Variants in GPR63 observed in about 807,000 individuals in gnomAD.
GPR63 encodes the protein G protein-coupled receptor 63.
Under a neutral mutation model 23.1 loss-of-function variants are expected in GPR63, and 12 were observed. That is an observed-to-expected ratio of 0.52 (90% CI 0.33 to 0.84). The LOEUF (loss-of-function observed/expected upper bound fraction) is 0.84, where lower values mean the gene tolerates loss of function less well. Ranked by LOEUF, GPR63 falls within the 40% of genes least tolerant of loss-of-function variation. The pLI is 0.02. For missense variants in GPR63, 472 were observed against 515.6 expected, an observed-to-expected ratio of 0.92 and a Z score of 0.82; for synonymous variants, 172 against 191.1, an observed-to-expected ratio of 0.90 and a Z score of 0.82.
At chr6:96,814,180 G>A (rs916771627) in intron 1 of GPR63, among the ~76,000 whole-genome samples, 4 of 151,968 alleles carry the variant, frequency 2.6e-5, no homozygotes, top group Non-Finnish European at 5.9e-5. Context: ...AAGTTTTCAA[G>A]CAAAGGAGGA....
At position 96,798,605 on chromosome 6, in the gene GPR63, T is replaced by C. The variant is rs1297241182; in HGVS notation, c.1127A>G (p.Lys376Arg). ...LNPLIYYWRIKKFHDACLDMM... is the reference protein window; with the variant it reads ...LNPLIYYWRIRKFHDACLDMM... ...GTCCAGGCAAGCATCATGGAATTTC[T>C]TAATCCTCCAGTAGTAGATCAGCGG... Residue 376 changes from lysine to arginine, a missense_variant, in exon 2 of 2, where the codon AAG (lysine) becomes AGG (arginine). Transcript: ENST00000229955. 2.5e-6 allele frequency: 4 copies of C among 1,614,116 alleles called. No homozygotes were observed. The African/African-American group carries it at 5.3e-5, about 22-fold the overall frequency.
intron 1 of GPR63, among the ~76,000 whole-genome samples, chr6:96,820,983 G>A (rs557477761): frequency 1.4e-4 from 22 of 152,144 alleles, no homozygotes; most frequent in African/African-American, 2.2e-4. Context: ...AAAGTCAGTC[G>A]GGGAAACAAT....
chr6:96,834,303 G>A (rs1391554054), intron 1 of GPR63, among the ~76,000 whole-genome samples: 3 of 152,176 alleles, frequency 2.0e-5, no homozygotes, highest in Non-Finnish European at 4.4e-5. Context: ...ATGTTTTGTG[G>A]TTGCAAAAGT....
At chr6:96,828,981 T>A (rs947741523) in intron 1 of GPR63, among the ~76,000 whole-genome samples, 1 of 152,194 alleles carries the variant, frequency 6.6e-6, no homozygotes, top group East Asian at 1.9e-4. Context: ...TAAACTTGTA[T>A]GTATCTAATA....
Position 96,798,322 on chromosome 6 carries a change from A to G in GPR63, c.*150T>C. ...TTTCCTATTATTTATTCTTGGTAAC[A>G]GAACTATAATTACCATTCTTTCTTT... is the stretch of plus-strand genomic sequence containing the variant. On this transcript the variant is annotated 3_prime_UTR_variant, in exon 2 of 2. Coordinates refer to ENST00000229955, the MANE Select transcript of GPR63 (RefSeq NM_030784.4). 1.4e-6 allele frequency: 1 copy of G among 707,304 alleles called. No homozygotes were observed. Among genetic ancestry groups the G allele is most frequent in the Non-Finnish European group, 2.3e-6 (1 of 443,882 alleles). The allele number at this position is 707,304 out of a possible 1,614,324, so 43.8% of individuals were successfully genotyped here.
At position 96,797,791 on chromosome 6, in the gene GPR63, T is replaced by C. The variant is rs182086415; in HGVS notation, c.*681A>G. 1.2e-4 allele frequency: 19 copies of C among 152,376 alleles called. No individual in the cohort carries two copies. Among genetic ancestry groups the C allele is most frequent in the Admixed American group, 1.0e-3 (16 of 15,306 alleles). 9.4% of individuals were successfully genotyped at this position (152,376 alleles called of 1,614,324 possible). A position where few individuals can be genotyped will look rare whatever the true frequency, so the allele number is the denominator to read the frequency against. On this transcript the variant is annotated 3_prime_UTR_variant, in exon 2 of 2. Transcript: ENST00000229955. ...AGAGTTGCTATTGTGCTTAGAAAAGTATCTACATTTTATGTTCTCTTTTAC... is the reference window on the plus strand; with the variant it reads ...AGAGTTGCTATTGTGCTTAGAAAAGCATCTACATTTTATGTTCTCTTTTAC...
At chr6:96,814,434 T>C (rs1417916891) in intron 1 of GPR63, among the ~76,000 whole-genome samples, 1 of 152,198 alleles carries the variant, frequency 6.6e-6, no homozygotes, top group African/African-American at 2.4e-5. Flanking sequence ...CCTTAACATA[T>C]ATTATTGCTA....
At position 96,797,907 on chromosome 6, in the gene GPR63, A is replaced by G. The variant is rs528079768; in HGVS notation, c.*565T>C. The G allele has an allele frequency of 3.3e-5, 5 of 152,450 alleles. No homozygotes were observed. The highest frequency in any genetic ancestry group is 7.3e-5 in the Non-Finnish European group (5 of 68,206). 9.4% of individuals were successfully genotyped at this position (152,450 alleles called of 1,614,324 possible). A position where few individuals can be genotyped will look rare whatever the true frequency, so the allele number is the denominator to read the frequency against. ...AAAGCACATATCATGTATAAAAACAATTCTGAAAAATAAGACTGAATTAAT... is the reference window on the plus strand; with the variant it reads ...AAAGCACATATCATGTATAAAAACAGTTCTGAAAAATAAGACTGAATTAAT... On this transcript the variant is annotated 3_prime_UTR_variant, in exon 2 of 2. Transcript: ENST00000229955.
At chr6:96,815,300 A>C (rs934479663) in intron 1 of GPR63, among the ~76,000 whole-genome samples, 1 of 152,218 alleles carries the variant, frequency 6.6e-6, no homozygotes, top group Non-Finnish European at 1.5e-5. Context: ...AATGATTTGC[A>C]TGGATGTGAG....
chr6:96,834,711 C>T (rs1230201456), intron 1 of GPR63, among the ~76,000 whole-genome samples: 3 of 152,192 alleles, frequency 2.0e-5, no homozygotes, highest in African/African-American at 4.8e-5. Flanking sequence ...AATTTTCATA[C>T]ATAAGCTGAA....
In GPR63 at chr6:96,802,111, T is replaced by TC. The variant is rs1773781333; in HGVS notation, c.-150-2231dup. The stretch of plus-strand genomic sequence containing the variant: ...GTTTGACAAAGTAAACTAACATATA[T>TC]CCATCCTGTACTACCACACTGTTTA... On this transcript the variant is annotated intron_variant, in intron 1 of 1. Transcript: ENST00000229955. Among the ~76,000 whole-genome samples, 3 of 152,168 alleles carry TC rather than the reference T, an allele frequency of 2.0e-5. No individual in the cohort carries two copies. In the South Asian group the frequency reaches 6.2e-4, roughly 32 times the overall value.
At chr6:96,836,740 A>G (rs7742049) in intron 1 of GPR63, among the ~76,000 whole-genome samples, 100,543 of 151,962 alleles carry the variant, frequency 0.66, 34,130 homozygotes, top group African/African-American at 0.81. Flanking sequence ...CAGCGCCGCA[A>G]GCTGAACCAC....
intron 1 of GPR63, among the ~76,000 whole-genome samples, chr6:96,832,680 A>G (rs1774618878): frequency 6.6e-6 from 1 of 152,078 alleles, no homozygotes; most frequent in East Asian, 1.9e-4. Flanking sequence ...AAAATAACTA[A>G]TGGGTACAAG....
At chr6:96,804,360 T>C (rs2127945794) in intron 1 of GPR63, among the ~76,000 whole-genome samples, 1 of 152,284 alleles carries the variant, frequency 6.6e-6, no homozygotes, top group South Asian at 2.1e-4. Flanking sequence ...GTGCTTTAAG[T>C]ACTTGTTTTA....
chr6:96,832,863 T>C (rs1236744893), intron 1 of GPR63, among the ~76,000 whole-genome samples: 3 of 152,044 alleles, frequency 2.0e-5, no homozygotes, highest in Admixed American at 6.6e-5. Flanking sequence ...AAATGAGAAG[T>C]TCCCAATATC....
intron 1 of GPR63, among the ~76,000 whole-genome samples, chr6:96,813,463 TAA>T (rs1311849961): frequency 1.3e-5 from 2 of 152,216 alleles, no homozygotes; most frequent in Admixed American, 6.5e-5. Context: ...CATATATTTG[TAA>T]AGTTTCCAAA....
chr6:96,814,488 T>C (rs1430053291), intron 1 of GPR63, among the ~76,000 whole-genome samples: 1 of 152,162 alleles, frequency 6.6e-6, no homozygotes. Flanking sequence ...GTTCCCCATT[T>C]TCAAGAGAAT....
At chr6:96,802,748 C>T (rs1332232092) in intron 1 of GPR63, among the ~76,000 whole-genome samples, 1 of 151,406 alleles carries the variant, frequency 6.6e-6, no homozygotes, top group Non-Finnish European at 1.5e-5. Flanking sequence ...GGGGTTTCAC[C>T]TGGTTTGCCA....
chr6:96,803,505 C>A (rs1381294510), intron 1 of GPR63, among the ~76,000 whole-genome samples: 1 of 152,220 alleles, frequency 6.6e-6, no homozygotes, highest in Non-Finnish European at 1.5e-5. Flanking sequence ...TACTAAGGAA[C>A]ATAGCATGAA....
Sources: allele counts gnomAD v4.1 joint callset (sites outside exome capture counted in the v4.1 genomes callset), GRCh38; gene constraint gnomAD v4.1.1; transcripts MANE v1.5; gene names NCBI Gene and HGNC (gene_info 2026-07-23, HGNC 2026-07-21).